The following ACOX3 variants were observed in gnomAD, a reference collection of about 807,000 sequenced individuals.
ACOX3 encodes the protein acyl-CoA oxidase 3, pristanoyl, also known as peroxisomal acyl-coenzyme A oxidase 3.
A neutral mutation model predicts 81.5 loss-of-function variants in ACOX3; 73 were observed. The observed-to-expected ratio is 0.90, with a 90% CI of 0.74 to 1.09. The LOEUF (loss-of-function observed/expected upper bound fraction) is 1.09, where lower values mean the gene tolerates loss of function less well. ACOX3 is among the 50% of genes least tolerant of loss of function. The probability of loss-of-function intolerance (pLI) is 0.00; values close to 1 mark genes in which losing one functional copy is unlikely to be tolerated. For missense variants in ACOX3, 947 were observed against 928.0 expected (o/e 1.02, Z -0.27); for synonymous variants, 387 against 375.1 (o/e 1.03, Z -0.37).
chr4:8,392,042 G>T (rs1344031053), intron 11 of ACOX3, among the ~76,000 whole-genome samples: 1 of 152,200 alleles, frequency 6.6e-6, no homozygotes, highest in African/African-American at 2.4e-5. Context: ...CTAGGGCAGG[G>T]GTTGGCAAAC....
At chr4:8,408,409 G>T (rs1721261527) in intron 6 of ACOX3, among the ~76,000 whole-genome samples, 1 of 152,224 alleles carries the variant, frequency 6.6e-6, no homozygotes, top group Non-Finnish European at 1.5e-5. Context: ...GGAGGCCGTG[G>T]CTCTGGGAGG....
chr4:8,412,901 G>C (rs1190580409), intron 5 of ACOX3, among the ~76,000 whole-genome samples: 186 of 95,914 alleles, frequency 1.9e-3, no homozygotes, highest in East Asian at 4.7e-3. Context: ...ACAGCACTGA[G>C]AGCCCCAGGG....
In ACOX3 at chr4:8,389,883, T is replaced by A; in HGVS notation, c.1301-149A>T. On this transcript the variant is annotated intron_variant, in intron 11 of 17. Coordinates refer to ENST00000356406, the MANE Select transcript of ACOX3 (RefSeq NM_003501.3). This position sits in a 1 kb window ranked among gnomAD's most constrained non-coding sequence, Gnocchi z 5.3. Reference sequence around the variant, plus strand: ...ACTTTGGGGGGCCGAGGCGGGTGGATCACTTGAAGCCAGGTGTTCAAGACC... The same window carrying A: ...ACTTTGGGGGGCCGAGGCGGGTGGAACACTTGAAGCCAGGTGTTCAAGACC... 9.8e-7 allele frequency: 1 copy of A among 1,018,866 alleles called. No individual in the cohort carries two copies. The highest frequency in any genetic ancestry group is 2.8e-5 in the East Asian group (1 of 35,876). The allele number at this position is 1,018,866 out of a possible 1,614,324, so 63.1% of individuals were successfully genotyped here.
chr4:8,366,808 T>C lies in ACOX3; in HGVS notation c.*153A>G. On this transcript the variant is annotated 3_prime_UTR_variant, in exon 18 of 18. Coordinates refer to ENST00000356406, the MANE Select transcript of ACOX3 (RefSeq NM_003501.3). ...GCCGGGTGCCTCCCTCCCGTCCGCC[T>C]GGGCAGTTGAGGCCAATCAGCAGTT... 3 of 1,078,370 alleles carry C rather than the reference T, an allele frequency of 2.8e-6. No homozygotes were observed. The South Asian group carries it at 5.2e-5, about 19-fold the overall frequency. 66.8% of individuals were successfully genotyped at this position (1,078,370 alleles called of 1,614,324 possible).
chr4:8,358,557 T>C, the ACOX3 span, among the ~76,000 whole-genome samples: 11,347 of 152,260 alleles, frequency 0.075, 543 homozygotes, highest in Non-Finnish European at 0.11. Context: ...GGTTAGGTAG[T>C]CTAAGTCACA....
Position 8,366,684 on chromosome 4 carries a change from T to C in ACOX3, c.*277A>G, listed in dbSNP as rs191358288. 17 of 261,376 alleles carry C rather than the reference T, an allele frequency of 6.5e-5. No homozygotes were observed. The Admixed American group carries it at 8.4e-4, about 13-fold the overall frequency. 16.2% of individuals were successfully genotyped at this position (261,376 alleles called of 1,614,324 possible). A position where few individuals can be genotyped will look rare whatever the true frequency, so the allele number is the denominator to read the frequency against. ...AACCCTGAAAACTGAATGTGCGAAA[T>C]TCTAATTATCAAAAAACCCACGGCG... On this transcript the variant is annotated 3_prime_UTR_variant, in exon 18 of 18. Coordinates refer to ENST00000356406, the MANE Select transcript of ACOX3 (RefSeq NM_003501.3).
At chr4:8,418,224 G>A (rs917535905) in intron 1 of ACOX3, among the ~76,000 whole-genome samples, 1 of 152,136 alleles carries the variant, frequency 6.6e-6, no homozygotes, top group African/African-American at 2.4e-5. Flanking sequence ...AAGAGAACTA[G>A]AAATAAACAT....
chr4:8,424,288 G>A (rs747030387), intron 1 of ACOX3, among the ~76,000 whole-genome samples: 29 of 152,260 alleles, frequency 1.9e-4, no homozygotes, highest in African/African-American at 4.1e-4. Context: ...AAGGACACCT[G>A]AAGCAGAAGT....
intron 1 of ACOX3, among the ~76,000 whole-genome samples, chr4:8,434,795 G>A (rs1724133685): frequency 6.6e-6 from 1 of 152,348 alleles, no homozygotes; most frequent in South Asian, 2.1e-4. Flanking sequence ...GACTTGACTT[G>A]AATTACTTGA....
At chr4:8,403,935 C>T (rs1025143602) in intron 7 of ACOX3, among the ~76,000 whole-genome samples, 3 of 152,180 alleles carry the variant, frequency 2.0e-5, no homozygotes, top group Admixed American at 1.3e-4. Context: ...AGATGCCTGT[C>T]GGGCCTTACG....
Position 8,397,393 on chromosome 4 carries a change from G to A in ACOX3, c.874-274C>T, listed in dbSNP as rs939054100. Among the ~76,000 whole-genome samples, 4 of 152,334 alleles carry A rather than the reference G, an allele frequency of 2.6e-5. No homozygotes were observed. In the East Asian group the frequency reaches 5.8e-4, roughly 22 times the overall value. On this transcript the variant is annotated intron_variant, in intron 8 of 17. Transcript: ENST00000356406. ...CTAGCAGAGGGAATGGTATGACAGC[G>A]CTGGGTGAGGGTGCTCCCACTGTGG...
chr4:8,381,648 G>A lies in ACOX3; in HGVS notation c.1538-41C>T, dbSNP rs773903597. 3 of 1,476,006 alleles carry A rather than the reference G, an allele frequency of 2.0e-6. No individual in the cohort carries two copies. The highest frequency in any genetic ancestry group is 3.4e-5 in the Admixed American group (2 of 59,050). The allele number at this position is 1,476,006 out of a possible 1,614,324, so 91.4% of individuals were successfully genotyped here. On this transcript the variant is annotated intron_variant, in intron 13 of 17. Coordinates refer to ENST00000356406, the MANE Select transcript of ACOX3 (RefSeq NM_003501.3). The surrounding 1 kb of genome is among the most constrained non-coding windows in gnomAD (Gnocchi z 4.3). ...CAGAAGGAGAAAAAGTAACAATAGA[G>A]AACACAGCATTTGTCACAACTCACC...
Position 8,382,718 on chromosome 4 carries a change from C to T in ACOX3, c.1538-1111G>A, listed in dbSNP as rs926351569. Reference sequence around the variant, plus strand: ...GAAGAAAATACCCAACGTTGCTGGGCGCAGTGGCTCACACCTGTAATCCCA... The same window carrying T: ...GAAGAAAATACCCAACGTTGCTGGGTGCAGTGGCTCACACCTGTAATCCCA... On this transcript the variant is annotated intron_variant, in intron 13 of 17. Coordinates refer to ENST00000356406, the MANE Select transcript of ACOX3 (RefSeq NM_003501.3). The surrounding 1 kb of genome is among the most constrained non-coding windows in gnomAD (Gnocchi z 4.1). Among the ~76,000 whole-genome samples the T allele has an allele frequency of 9.8e-5, 15 of 152,288 alleles. No individual in the cohort carries two copies. Among genetic ancestry groups the T allele is most frequent in the East Asian group, 1.9e-4 (1 of 5,168 alleles).
In ACOX3 at chr4:8,407,953, C is replaced by T. The variant is rs547766059; in HGVS notation, c.688-1910G>A. Among the ~76,000 whole-genome samples the T allele has an allele frequency of 7.2e-5, 11 of 152,300 alleles. No homozygotes were observed. The highest frequency in any genetic ancestry group is 6.2e-4 in the South Asian group (3 of 4,828). On this transcript the variant is annotated intron_variant, in intron 6 of 17. Transcript: ENST00000356406. The surrounding 1 kb of genome is among the most constrained non-coding windows in gnomAD (Gnocchi z 4.6). ...GAAGCTATGGCACAGAATGGCCAGA[C>T]GCCAGAAGTGCTCAGCCCAGCCCTG...
chr4:8,371,501 T>C (rs1481623626), intron 16 of ACOX3, among the ~76,000 whole-genome samples: 13 of 152,256 alleles, frequency 8.5e-5, no homozygotes. Flanking sequence ...ATGAAATTTA[T>C]ATGAGTGGAC....
intron 13 of ACOX3, among the ~76,000 whole-genome samples, chr4:8,383,378 G>A (rs958096052): frequency 6.6e-6 from 1 of 152,254 alleles, no homozygotes; most frequent in Admixed American, 6.5e-5. Flanking sequence ...GGTCTTTGAA[G>A]ATGTCATGAA....
chr4:8,405,365 T>C lies in ACOX3; in HGVS notation c.776+590A>G, dbSNP rs926608521. Among the ~76,000 whole-genome samples the C allele has an allele frequency of 8.5e-5, 13 of 152,218 alleles. No individual in the cohort carries two copies. Among genetic ancestry groups the C allele is most frequent in the African/African-American group, 3.1e-4 (13 of 41,466 alleles). ...GCCATCAAGCATTCATTAGTCTTTC[T>C]AGGCCCCTCCCCTCTGCACGCCCCA... On this transcript the variant is annotated intron_variant, in intron 7 of 17. Transcript: ENST00000356406. This position sits in a 1 kb window ranked among gnomAD's most constrained non-coding sequence, Gnocchi z 7.1.
At chr4:8,421,404 A>C (rs1722929166) in intron 1 of ACOX3, among the ~76,000 whole-genome samples, 1 of 152,238 alleles carries the variant, frequency 6.6e-6, no homozygotes, top group African/African-American at 2.4e-5. Flanking sequence ...CAGAGGGCTG[A>C]CTAGAGGCAG....
Position 8,394,682 on chromosome 4 carries a change from G to A in ACOX3, c.1117C>T (p.Leu373Phe), listed in dbSNP as rs768296387. Residue 373 changes from leucine (L) to phenylalanine (F), a missense_variant, in exon 10 of 18, where the codon CTC (leucine) becomes TTC (phenylalanine). Transcript: ENST00000356406. This position sits in a 1 kb window ranked among gnomAD's most constrained non-coding sequence, Gnocchi z 5.9. ...VYALDHFSKS[L>F]FLDLVELQRG... ...TGGAGCTCCACCAGGTCCAGGAAGA[G>A]CGACTTGGAGAAATGGTCTAAGGCG... 9.3e-6 allele frequency: 15 copies of A among 1,613,812 alleles called. No individual in the cohort carries two copies. Among genetic ancestry groups the A allele is most frequent in the Admixed American group, 6.7e-5 (4 of 60,008 alleles).
Sources: gnomAD v4.1 joint callset for allele counts (sites outside exome capture counted in the v4.1 genomes callset) on GRCh38, gnomAD v4.1.1 for gene constraint, Gnocchi (gnomAD v3.1) non-coding constraint, MANE v1.5 for transcripts, NCBI Gene and HGNC (gene_info 2026-07-23, HGNC 2026-07-21) for gene names.